The following PLCH1 variants were observed in gnomAD, a reference collection of about 807,000 sequenced individuals.
PLCH1 encodes 1-phosphatidylinositol 4,5-bisphosphate phosphodiesterase eta-1.
In PLCH1, 60 loss-of-function variants were observed where a neutral mutation model predicts 126.7. The observed-to-expected ratio is 0.47, with a 90% confidence interval of 0.38 to 0.59. The LOEUF (loss-of-function observed/expected upper bound fraction) is 0.59, where lower values mean the gene tolerates loss of function less well. Among genes scored for constraint, PLCH1 ranks in the 20% least tolerant of loss-of-function variants. The pLI, the probability that PLCH1 is intolerant of heterozygous loss-of-function variation, is 0.00. For missense variants in PLCH1, 1,723 were observed against 2,040.0 expected (o/e 0.84, Z 2.99); for synonymous variants, 719 against 734.9 (o/e 0.98, Z 0.35).
chr3:155,458,435 AAGG>A (rs1712536034), intron 21 of PLCH1, among the ~76,000 whole-genome samples: 6 of 92,598 alleles, frequency 6.5e-5, no homozygotes, highest in African/African-American at 4.2e-4. Context: ...GGAAGGAAGG[AAGG>A]AAGGAAGGAA....
chr3:155,500,098 G>A (rs1717669166), intron 14 of PLCH1, among the ~76,000 whole-genome samples: 1 of 152,098 alleles, frequency 6.6e-6, no homozygotes, highest in African/African-American at 2.4e-5. Flanking sequence ...AGGAACTCCT[G>A]TAATGAATCA....
intron 21 of PLCH1, among the ~76,000 whole-genome samples, chr3:155,464,908 A>G (rs181921538): frequency 9.4e-4 from 143 of 152,286 alleles, no homozygotes; most frequent in African/African-American, 3.3e-3. Flanking sequence ...CAGGAGATCG[A>G]GACCATACTG....
chr3:155,512,914 C>T (rs1719787616), intron 12 of PLCH1, among the ~76,000 whole-genome samples: 1 of 152,208 alleles, frequency 6.6e-6, no homozygotes. Context: ...TAAGGTTATT[C>T]AGGCAGCAGC....
At chr3:155,639,532 T>A (rs1170134380) in intron 2 of PLCH1, among the ~76,000 whole-genome samples, 2 of 152,268 alleles carry the variant, frequency 1.3e-5, no homozygotes, top group Middle Eastern at 3.4e-3. Context: ...TCCAAGCCTA[T>A]ATGAAGACAT....
At position 155,500,777 on chromosome 3, in the gene PLCH1, C is replaced by T. The variant is rs2108138668; in HGVS notation, c.1722G>A (p.Arg574=). ...FGKHKKTTKS[R]SKSYSTDDEE... is the part of the protein sequence containing the mutation. ...CATCATCAGTACTGTAAGATTTAGACCGTGATTTTGTAGTTTTCTGCCAGA... is the reference window on the plus strand; with the variant it reads ...CATCATCAGTACTGTAAGATTTAGATCGTGATTTTGTAGTTTTCTGCCAGA... The change falls in exon 14 of 23, where the codon CGG becomes CGA. Residue 574 remains arginine (R), a synonymous_variant. Transcript: ENST00000460012. 1.9e-6 allele frequency: 3 copies of T among 1,612,392 alleles called. No homozygotes were observed. Among genetic ancestry groups the T allele is most frequent in the Non-Finnish European group, 2.5e-6 (3 of 1,178,620 alleles).
chr3:155,455,941 G>A (rs1433753534), intron 21 of PLCH1, among the ~76,000 whole-genome samples: 1 of 152,186 alleles, frequency 6.6e-6, no homozygotes, highest in Non-Finnish European at 1.5e-5. Flanking sequence ...ACTACTAGGT[G>A]GAGAAGTGAA....
chr3:155,694,459 A>G (rs913839016), intron 2 of PLCH1, among the ~76,000 whole-genome samples: 2 of 152,356 alleles, frequency 1.3e-5, no homozygotes, highest in East Asian at 1.9e-4. Context: ...TTAAAAACAC[A>G]ATACCGTGAA....
At chr3:155,693,322 G>A (rs1745552223) in intron 2 of PLCH1, among the ~76,000 whole-genome samples, 1 of 73,676 alleles carries the variant, frequency 1.4e-5, no homozygotes, top group Non-Finnish European at 2.2e-5. Context: ...AAAATTAGCC[G>A]GGCGCGGTGG....
intron 22 of PLCH1, among the ~76,000 whole-genome samples, 164 bp downstream of exon 22, chr3:155,485,192 C>T (rs910687961): frequency 6.6e-6 from 1 of 152,070 alleles, no homozygotes; most frequent in Non-Finnish European, 1.5e-5. Context: ...TCTACCTGGC[C>T]CCCAAAGTTT....
intron 1 of PLCH1, among the ~76,000 whole-genome samples, chr3:155,708,714 T>C (rs1264132071): frequency 6.6e-6 from 1 of 152,216 alleles, no homozygotes; most frequent in Non-Finnish European, 1.5e-5. Flanking sequence ...TGGTTTTAAA[T>C]TGATCACCTT....
At chr3:155,599,030 T>G (rs959135968) in intron 2 of PLCH1, among the ~76,000 whole-genome samples, 1 of 110,242 alleles carries the variant, frequency 9.1e-6, no homozygotes, top group African/African-American at 3.5e-5. Flanking sequence ...CCTCCCCATA[T>G]GAAGATACAG....
chr3:155,574,818 C>A (rs1729709068), intron 6 of PLCH1, among the ~76,000 whole-genome samples: 1 of 152,134 alleles, frequency 6.6e-6, no homozygotes, highest in Admixed American at 6.6e-5. Context: ...GATCTCTCAA[C>A]TGCTTTAATT....
intron 3 of PLCH1, among the ~76,000 whole-genome samples, chr3:155,595,139 G>C (rs182050815): frequency 6.6e-6 from 1 of 152,334 alleles, no homozygotes; most frequent in East Asian, 1.9e-4. Flanking sequence ...AAGCTCAACA[G>C]GGAGAATAAT....
At chr3:155,458,488 AAG>A (rs1376933426) in intron 21 of PLCH1, among the ~76,000 whole-genome samples, 1 of 111,606 alleles carries the variant, frequency 9.0e-6, no homozygotes, top group Non-Finnish European at 1.6e-5. Flanking sequence ...GAAAGAAAGA[AAG>A]AAAGAAAGAG....
At chr3:155,531,836 C>T (rs991249349) in intron 10 of PLCH1, among the ~76,000 whole-genome samples, 1 of 152,188 alleles carries the variant, frequency 6.6e-6, no homozygotes, top group Non-Finnish European at 1.5e-5. Flanking sequence ...CCTCTCTCAG[C>T]CTTCACAAAA....
chr3:155,595,626 C>T lies in PLCH1; in HGVS notation c.226+606G>A, dbSNP rs527765111. ...CTACACCAACAGCTTCCCTGGTTCT[C>T]CAGCTTGCAGATGACCTATCATGTG... is the stretch of plus-strand genomic sequence containing the variant. On this transcript the variant is annotated intron_variant, in intron 3 of 22. Transcript: ENST00000460012. 9.9e-5 allele frequency among the ~76,000 whole-genome samples: 15 copies of T among 152,280 alleles called. No homozygotes were observed. In the South Asian group the frequency reaches 2.5e-3, roughly 25 times the overall value.
chr3:155,628,266 C>A (rs1215677916), intron 2 of PLCH1, among the ~76,000 whole-genome samples: 1 of 150,974 alleles, frequency 6.6e-6, no homozygotes, highest in Admixed American at 6.6e-5. Flanking sequence ...CCACCCTTCT[C>A]CCCTGAAGCA....
At chr3:155,635,504 T>C (rs1397562685) in intron 2 of PLCH1, among the ~76,000 whole-genome samples, 2 of 152,248 alleles carry the variant, frequency 1.3e-5, no homozygotes, top group African/African-American at 4.8e-5. Context: ...AGATTCAGAC[T>C]TGATTTAACC....
rs1174667302 is a variant in PLCH1, at chr3:155,481,201, T to C, written c.4825A>G (p.Asn1609Asp). The stretch of plus-strand genomic sequence containing the variant: ...GCAGGGGTGGGTGCTGAGGGTTTGT[T>C]TCTAAGAACCACTCCTGCCCCATTG... ...PSNGAGVVLR[N>D]KPSAPTPAVN... is the part of the protein sequence containing the mutation. The change falls in exon 23 of 23, where the codon AAC becomes GAC. Residue 1609 changes from asparagine to aspartate, a missense_variant. Transcript: ENST00000460012. This position sits in a 1 kb window ranked among gnomAD's most constrained non-coding sequence, Gnocchi z 4.2. 6.2e-7 allele frequency: 1 copy of C among 1,614,224 alleles called. No homozygotes were observed.
Sources: allele counts gnomAD v4.1 joint callset (sites outside exome capture counted in the v4.1 genomes callset), GRCh38; gene constraint gnomAD v4.1.1; non-coding constraint Gnocchi (gnomAD v3.1); transcripts MANE v1.5; gene names NCBI Gene and HGNC (gene_info 2026-07-23, HGNC 2026-07-21).